DSCAML1: variants seen among roughly 807,000 people sequenced by gnomAD.
DSCAML1 encodes the protein cell adhesion molecule DSCAML1.
A neutral mutation model predicts 200.5 loss-of-function variants in DSCAML1; 38 were observed. The observed-to-expected ratio is 0.19, with a 90% CI of 0.15 to 0.25. DSCAML1 has a LOEUF of 0.25. Ranked by LOEUF, DSCAML1 falls within the 10% of genes least tolerant of loss-of-function variation. DSCAML1 has a pLI of 1.00. For missense variants in DSCAML1, 2,223 were observed against 2,858.8 expected, an observed-to-expected ratio of 0.78 and a Z score of 5.07; for synonymous variants, 1,215 against 1,165.0, an observed-to-expected ratio of 1.04 and a Z score of -0.87.
rs868789788 is a variant in DSCAML1, at chr11:117,728,036, A to G, written c.511+48755T>C. Among the ~76,000 whole-genome samples, 9 of 152,342 alleles carry G rather than the reference A, an allele frequency of 5.9e-5. No individual in the cohort carries two copies. The Middle Eastern group carries it at 0.031, about 518-fold the overall frequency. On this transcript the variant is annotated intron_variant, in intron 3 of 32. Transcript: ENST00000651296. Reference sequence around the variant, plus strand: ...ATCCTGACATCAGAATGGTTGCTTAATACTAGCAAACTGAATCCAGAAGCA... The same window carrying G: ...ATCCTGACATCAGAATGGTTGCTTAGTACTAGCAAACTGAATCCAGAAGCA...
chr11:117,627,026 T>C (rs969290186), intron 3 of DSCAML1, among the ~76,000 whole-genome samples: 14 of 152,242 alleles, frequency 9.2e-5, no homozygotes, highest in African/African-American at 2.7e-4. Flanking sequence ...AGCTGACATT[T>C]ATGGCGGGAA....
intron 3 of DSCAML1, among the ~76,000 whole-genome samples, chr11:117,672,282 A>G (rs1263594816): frequency 6.6e-6 from 1 of 151,852 alleles, no homozygotes; most frequent in Non-Finnish European, 1.5e-5. Flanking sequence ...CCTTGAACAG[A>G]GGGGCAGGCA....
chr11:117,431,529 C>A lies in DSCAML1; in HGVS notation c.5374+5G>T. 1 of 1,555,246 alleles carries A rather than the reference C, an allele frequency of 6.4e-7. No individual in the cohort carries two copies. Among genetic ancestry groups the A allele is most frequent in the Non-Finnish European group, 8.7e-7 (1 of 1,147,064 alleles). ...TTCAGGATGCCAGCAGGGCCTTAGG[C>A]ACACCTGTGTCCTGGGACAGGCTGG... On this transcript the variant is annotated splice_donor_5th_base_variant and intron_variant, in intron 31 of 32. Coordinates refer to ENST00000651296, the MANE Select transcript of DSCAML1 (RefSeq NM_020693.4).
chr11:117,675,893 G>A (rs2053203138), intron 3 of DSCAML1, among the ~76,000 whole-genome samples: 1 of 152,066 alleles, frequency 6.6e-6, no homozygotes, highest in Admixed American at 6.5e-5. Flanking sequence ...GCATCGAATG[G>A]CTCCCACTCC....
intron 3 of DSCAML1, among the ~76,000 whole-genome samples, chr11:117,755,529 A>AC (rs1010940502): frequency 6.6e-6 from 1 of 151,958 alleles, no homozygotes; most frequent in African/African-American, 2.4e-5. Flanking sequence ...TCCCTTTCCT[A>AC]CCCCAGAGCT....
chr11:117,443,194 G>C (rs1444041008), intron 21 of DSCAML1, among the ~76,000 whole-genome samples: 2 of 152,226 alleles, frequency 1.3e-5, no homozygotes, highest in Admixed American at 1.3e-4. Context: ...GTTGTGGCCA[G>C]TTCCTACGCC....
intron 3 of DSCAML1, among the ~76,000 whole-genome samples, chr11:117,707,420 G>T (rs1398837120): frequency 6.6e-6 from 1 of 152,144 alleles, no homozygotes; most frequent in African/African-American, 2.4e-5. Context: ...CCTCCCACAG[G>T]GGCTGCTTTG....
chr11:117,617,940 C>T, intron 3 of DSCAML1, among the ~76,000 whole-genome samples: 1 of 152,144 alleles, frequency 6.6e-6, no homozygotes, highest in East Asian at 1.9e-4. Context: ...CCCAGGTAAC[C>T]ATGCAGGACA....
chr11:117,500,369 G>A (rs991085837), intron 11 of DSCAML1, among the ~76,000 whole-genome samples: 1 of 152,198 alleles, frequency 6.6e-6, no homozygotes, highest in African/African-American at 2.4e-5. Flanking sequence ...TAAATTCCCT[G>A]AGAACGGCAG....
intron 3 of DSCAML1, among the ~76,000 whole-genome samples, chr11:117,589,357 C>G (rs1163593979): frequency 2.6e-5 from 4 of 152,220 alleles, no homozygotes; most frequent in Non-Finnish European, 4.4e-5. Flanking sequence ...CTCAAACTCT[C>G]TTTTTATTCT....
chr11:117,641,614 G>A (rs2052409248), intron 3 of DSCAML1, among the ~76,000 whole-genome samples: 1 of 152,142 alleles, frequency 6.6e-6, no homozygotes, highest in African/African-American at 2.4e-5. Flanking sequence ...TGGAGTGATA[G>A]ATCAGAACCT....
intron 3 of DSCAML1, among the ~76,000 whole-genome samples, chr11:117,716,774 A>G (rs965859640): frequency 6.6e-6 from 1 of 152,228 alleles, no homozygotes; most frequent in Admixed American, 6.5e-5. Flanking sequence ...ATGAAATTCA[A>G]ATTTCGGTGC....
intron 3 of DSCAML1, among the ~76,000 whole-genome samples, chr11:117,680,339 G>A (rs1339572396): frequency 6.6e-6 from 1 of 152,198 alleles, no homozygotes; most frequent in Non-Finnish European, 1.5e-5. Context: ...CCTCCTGTGG[G>A]TGCAGAGCCC....
intron 3 of DSCAML1, among the ~76,000 whole-genome samples, chr11:117,702,830 C>T (rs758899245): frequency 6.6e-6 from 1 of 152,124 alleles, no homozygotes; most frequent in South Asian, 2.1e-4. Flanking sequence ...TTATGTCTTC[C>T]CCCAAAGCCT....
At chr11:117,519,716 G>T (rs1250949634) in intron 6 of DSCAML1, among the ~76,000 whole-genome samples, 2 of 152,162 alleles carry the variant, frequency 1.3e-5, no homozygotes, top group African/African-American at 4.8e-5. Flanking sequence ...AGCTACTCAG[G>T]AGCTGAGGCA....
chr11:117,649,325 G>A (rs886218357), intron 3 of DSCAML1, among the ~76,000 whole-genome samples: 2 of 152,154 alleles, frequency 1.3e-5, no homozygotes, highest in East Asian at 3.9e-4. Flanking sequence ...TGATCTGCCC[G>A]CCTTGGCCTC....
intron 3 of DSCAML1, among the ~76,000 whole-genome samples, chr11:117,644,260 A>G (rs557901956): frequency 6.6e-6 from 1 of 152,364 alleles, no homozygotes; most frequent in African/African-American, 2.4e-5. Flanking sequence ...AAACAAGCGG[A>G]TATTTTAGAA....
chr11:117,588,505 C>A (rs569767660), intron 3 of DSCAML1, among the ~76,000 whole-genome samples: 1 of 152,156 alleles, frequency 6.6e-6, no homozygotes, highest in Non-Finnish European at 1.5e-5. Context: ...TCCCCTGAGC[C>A]GGTGCATTGA....
chr11:117,731,656 T>C (rs761291341), intron 3 of DSCAML1, among the ~76,000 whole-genome samples: 7 of 152,224 alleles, frequency 4.6e-5, no homozygotes, highest in Non-Finnish European at 8.8e-5. Flanking sequence ...CATAGATCCT[T>C]ACAGGTAGCT....
Sources: allele counts gnomAD v4.1 joint callset (sites outside exome capture counted in the v4.1 genomes callset), GRCh38; gene constraint gnomAD v4.1.1; transcripts MANE v1.5; gene names NCBI Gene and HGNC (gene_info 2026-07-23, HGNC 2026-07-21).